The following MYBL1 variants were observed in gnomAD, a reference collection of about 807,000 sequenced individuals.
The protein encoded by MYBL1 is myb-related protein A.
MYBL1 carries 17 observed loss-of-function variants against 96.3 expected under a neutral mutation model. The ratio of observed to expected loss-of-function variants is 0.18; its 90% CI spans 0.12 to 0.26. The LOEUF (loss-of-function observed/expected upper bound fraction) is 0.26, where lower values mean the gene tolerates loss of function less well. MYBL1 is among the 10% of genes least tolerant of loss of function. The pLI, the probability that MYBL1 is intolerant of heterozygous loss-of-function variation, is 1.00. For synonymous variants in MYBL1, 282 were observed against 292.7 expected, an observed-to-expected ratio of 0.96 and a Z score of 0.37; for missense variants, 701 against 882.9, an observed-to-expected ratio of 0.79 and a Z score of 2.61.
At chr8:66,577,007 G>C (rs1228249425) in intron 9 of MYBL1, among the ~76,000 whole-genome samples, 1 of 152,022 alleles carries the variant, frequency 6.6e-6, no homozygotes, top group Non-Finnish European at 1.5e-5. Flanking sequence ...TGCGGAAAAG[G>C]CCTTTGACAA....
intron 1 of MYBL1, among the ~76,000 whole-genome samples, chr8:66,603,008 G>A (rs527759521): frequency 6.6e-6 from 1 of 151,970 alleles, no homozygotes; most frequent in Non-Finnish European, 1.5e-5. Flanking sequence ...GCCTCCCAAT[G>A]TGCTGGGATT....
At chr8:66,601,975 A>C (rs1026931733) in intron 2 of MYBL1, among the ~76,000 whole-genome samples, 45 of 152,216 alleles carry the variant, frequency 3.0e-4, no homozygotes, top group African/African-American at 1.1e-3. Context: ...GGTTGAAGAA[A>C]AAGAACGTAC....
chr8:66,601,798 CT>C (rs1586596224), intron 2 of MYBL1, 29 bp from the exon 3 acceptor site: 1 of 1,251,650 alleles, frequency 8.0e-7, no homozygotes, highest in East Asian at 2.6e-5. Flanking sequence ...AATTAGAAAG[CT>C]TTCCCCCCGT....
At chr8:66,602,243 G>A (rs527900225) in intron 2 of MYBL1, among the ~76,000 whole-genome samples, 175 bp downstream of exon 2, 2 of 152,068 alleles carry the variant, frequency 1.3e-5, no homozygotes, top group South Asian at 4.2e-4. Flanking sequence ...TAGAGACGGG[G>A]TTTCATCATG....
intron 12 of MYBL1, among the ~76,000 whole-genome samples, chr8:66,569,023 T>C (rs1369867970): frequency 6.6e-6 from 1 of 151,960 alleles, no homozygotes; most frequent in Admixed American, 6.6e-5. Context: ...AAACTCCATC[T>C]CAAAAAAAGA....
chr8:66,610,344 C>G (rs1020471215), intron 1 of MYBL1, among the ~76,000 whole-genome samples: 1 of 151,682 alleles, frequency 6.6e-6, no homozygotes, highest in Non-Finnish European at 1.5e-5. Context: ...ATCAAAACAG[C>G]TAACATCCTG....
chr8:66,571,068 A>T (rs1808710075), intron 12 of MYBL1, among the ~76,000 whole-genome samples: 1 of 152,210 alleles, frequency 6.6e-6, no homozygotes, highest in Non-Finnish European at 1.5e-5. Context: ...AGAATTTGTT[A>T]ATGAATCTAA....
rs1238062115 is a variant in MYBL1, at chr8:66,566,948, T to A, written c.1773A>T (p.Leu591Phe). ...AFLEEDIREV[L>F]KEETGTDLFL... ...ATAGGTCTGTTCCAGTTTCTTCTTT[T>A]AAAACTTCCCGAATATCTTCTTCCA... The change falls in exon 13 of 16, where the codon TTA becomes TTT. Residue 591 changes from leucine (L) to phenylalanine (F), a missense_variant. Physicochemically the swap from Leu to Phe is conservative, Grantham distance 22. Around this residue, in one of 5 missense-constraint regions of MYBL1, gnomAD observed 63 missense variants for 109.2 expected, o/e 0.58. Transcript: ENST00000522677. 1.2e-6 allele frequency: 2 copies of A among 1,613,212 alleles called. No homozygotes were observed. Among genetic ancestry groups the A allele is most frequent in the African/African-American group, 1.3e-5 (1 of 75,042 alleles).
chr8:66,604,646 TAA>T (rs1333607223), intron 1 of MYBL1, among the ~76,000 whole-genome samples: 1 of 152,024 alleles, frequency 6.6e-6, no homozygotes, highest in East Asian at 1.9e-4. Context: ...TATCCTTGAG[TAA>T]AAGACAGGTA....
At chr8:66,603,408 C>A (rs952165465) in intron 1 of MYBL1, among the ~76,000 whole-genome samples, 12 of 151,314 alleles carry the variant, frequency 7.9e-5, no homozygotes, top group African/African-American at 2.7e-4. Context: ...AAAAATTTAA[C>A]ATACAAGATA....
chr8:66,567,643 T>C (rs1376253379), intron 12 of MYBL1, among the ~76,000 whole-genome samples: 3 of 152,068 alleles, frequency 2.0e-5, no homozygotes, highest in Admixed American at 6.5e-5. Flanking sequence ...TAGCTTTCTG[T>C]CAAATAGGTA....
chr8:66,591,393 T>C (rs1809639782), intron 8 of MYBL1, among the ~76,000 whole-genome samples: 1 of 152,042 alleles, frequency 6.6e-6, no homozygotes, highest in African/African-American at 2.4e-5. Flanking sequence ...AGAAAAGTTA[T>C]TTAAATATAA....
intron 8 of MYBL1, among the ~76,000 whole-genome samples, chr8:66,584,187 C>T (rs954206361): frequency 1.3e-5 from 2 of 152,022 alleles, no homozygotes; most frequent in African/African-American, 2.4e-5. Flanking sequence ...CATCCCTTCA[C>T]GATAAAAACT....
chr8:66,607,979 C>A (rs149585554), intron 1 of MYBL1, among the ~76,000 whole-genome samples: 1,638 of 152,236 alleles, frequency 0.011, 14 homozygotes, highest in Non-Finnish European at 0.016. Context: ...CAGGTTATTT[C>A]TAAGTCAAAA....
chr8:66,576,613 C>A (rs1341804252), intron 9 of MYBL1, among the ~76,000 whole-genome samples: 1 of 152,012 alleles, frequency 6.6e-6, no homozygotes, highest in African/African-American at 2.4e-5. Flanking sequence ...TGTCAAAGTA[C>A]TTTAAGAACA....
In MYBL1 at chr8:66,613,103, G is replaced by T. The variant is rs1473259961; in HGVS notation, c.-265C>A. 2 of 404,478 alleles carry T rather than the reference G, an allele frequency of 4.9e-6. No homozygotes were observed. Among genetic ancestry groups the T allele is most frequent in the Non-Finnish European group, 8.7e-6 (2 of 229,294 alleles). The allele number at this position is 404,478 out of a possible 1,614,324, so 25.1% of individuals were successfully genotyped here. On this transcript the variant is annotated 5_prime_UTR_variant, in exon 1 of 16. Transcript: ENST00000522677. The stretch of plus-strand genomic sequence containing the variant: ...ATACCCCCAACATGTCAGGAGGCGC[G>T]ATCCCGCCCTCCGCCGGCTTCTCCC...
intron 8 of MYBL1, among the ~76,000 whole-genome samples, chr8:66,590,849 T>C (rs1223646522): frequency 6.6e-6 from 1 of 152,182 alleles, no homozygotes; most frequent in Non-Finnish European, 1.5e-5. Context: ...TCTAGTGTTC[T>C]ATATCACTGT....
At chr8:66,610,351 C>A (rs966988379) in intron 1 of MYBL1, among the ~76,000 whole-genome samples, 3 of 151,612 alleles carry the variant, frequency 2.0e-5, no homozygotes, top group African/African-American at 7.3e-5. Flanking sequence ...CAGCTAACAT[C>A]CTGCAGTTGT....
In MYBL1 at chr8:66,576,139, G is replaced by A. The variant is rs1399111021; in HGVS notation, c.1338C>T (p.Ile446=). The change falls in exon 10 of 16, where the codon ATC becomes ATT. Residue 446 remains isoleucine (I), a synonymous_variant. Transcript: ENST00000522677. Reference sequence around the variant, plus strand: ...CTCGCATTTTTCTCTTCTTTCTGAGGATGGCTGGTGGAGTGCTAAACTTGG... The same window carrying A: ...CTCGCATTTTTCTCTTCTTTCTGAGAATGGCTGGTGGAGTGCTAAACTTGG... ...NIAKFSTPPA[I]LRKKRKMRVG... 4 of 1,613,970 alleles carry A rather than the reference G, an allele frequency of 2.5e-6. No individual in the cohort carries two copies. Among genetic ancestry groups the A allele is most frequent in the Non-Finnish European group, 8.5e-7 (1 of 1,179,888 alleles).
Sources: allele counts gnomAD v4.1 joint callset (sites outside exome capture counted in the v4.1 genomes callset), GRCh38; gene constraint gnomAD v4.1.1; regional missense constraint gnomAD v4.1.1; transcripts MANE v1.5; gene names NCBI Gene and HGNC (gene_info 2026-07-23, HGNC 2026-07-21).